The following RPA3 variants were observed in gnomAD, a reference collection of about 807,000 sequenced individuals.
The protein encoded by RPA3 is replication protein A3.
A neutral mutation model predicts 13.7 loss-of-function variants in RPA3; 24 were observed. The observed-to-expected ratio is 1.75, with a 90% CI of 1.27 to 2.46. The LOEUF (loss-of-function observed/expected upper bound fraction) is 2.46. RPA3 is among the 30% of genes most tolerant of loss of function. The pLI is 0.00. For synonymous variants in RPA3, 59 were observed against 51.2 expected (o/e 1.15, Z -0.65); for missense variants, 183 against 151.0 (o/e 1.21, Z -1.11).
intron 4 of RPA3, among the ~76,000 whole-genome samples, chr7:7,643,227 C>A (rs1186273462): frequency 6.6e-6 from 1 of 152,150 alleles, no homozygotes; most frequent in Non-Finnish European, 1.5e-5. Flanking sequence ...GCTTCCTGGG[C>A]ATGCATATTA....
intron 4 of RPA3, among the ~76,000 whole-genome samples, chr7:7,645,842 A>T (rs1785081535): frequency 6.7e-6 from 1 of 148,186 alleles, no homozygotes; most frequent in African/African-American, 2.5e-5. Context: ...ATCTATGTTC[A>T]TGAGTGAGAT....
At chr7:7,675,812 G>A (rs1486474454) in intron 4 of RPA3, among the ~76,000 whole-genome samples, 1 of 152,170 alleles carries the variant, frequency 6.6e-6, no homozygotes, top group Non-Finnish European at 1.5e-5. Context: ...AGCTGGTGCT[G>A]TACCTGGTTC....
intron 4 of RPA3, among the ~76,000 whole-genome samples, chr7:7,659,342 G>A (rs1785419654): frequency 6.6e-6 from 1 of 151,944 alleles, no homozygotes; most frequent in Admixed American, 6.6e-5. Context: ...CTTGTCTTCT[G>A]CTAGCTTTTG....
intron 2 of RPA3, among the ~76,000 whole-genome samples, chr7:7,708,902 G>C (rs1482393235): frequency 1.3e-5 from 2 of 151,746 alleles, no homozygotes; most frequent in Non-Finnish European, 2.9e-5. Context: ...TAACCAGCAA[G>C]GGGTGTGTGT....
intron 4 of RPA3, among the ~76,000 whole-genome samples, chr7:7,661,331 T>C (rs1785469468): frequency 6.6e-6 from 1 of 152,152 alleles, no homozygotes; most frequent in Admixed American, 6.5e-5. Context: ...TTTGTCAAAC[T>C]CACCATTTTT....
intron 4 of RPA3, among the ~76,000 whole-genome samples, chr7:7,655,749 G>C (rs890683428): frequency 1.3e-5 from 2 of 151,990 alleles, no homozygotes; most frequent in African/African-American, 4.8e-5. Flanking sequence ...TAGAGGACAG[G>C]CTCTTTTTTA....
intron 4 of RPA3, among the ~76,000 whole-genome samples, chr7:7,646,480 ATTT>A (rs35948027): frequency 0.22 from 24,862 of 111,104 alleles, 2,557 homozygotes; most frequent in Admixed American, 0.26. Flanking sequence ...CTTTCGCTGG[ATTT>A]TTTTTTTTTT....
At chr7:7,648,885 G>A (rs146723345) in intron 4 of RPA3, among the ~76,000 whole-genome samples, 1,531 of 151,808 alleles carry the variant, frequency 0.01, 25 homozygotes, top group African/African-American at 0.034. Flanking sequence ...AAGGCCGGGC[G>A]CGGTCGCTCA....
chr7:7,656,212 T>C (rs1785338336), intron 4 of RPA3, among the ~76,000 whole-genome samples: 2 of 152,148 alleles, frequency 1.3e-5, no homozygotes, highest in South Asian at 4.1e-4. Flanking sequence ...AGCTGCGTGG[T>C]TCTGAGGGTG....
At chr7:7,695,876 A>G (rs1780302352) in intron 2 of RPA3, among the ~76,000 whole-genome samples, 2 of 152,100 alleles carry the variant, frequency 1.3e-5, no homozygotes, top group South Asian at 2.1e-4. Flanking sequence ...TTATGCACTA[A>G]TGGTTGGATT....
chr7:7,637,816 T>G, intron 7 of RPA3, 48 bp downstream of exon 7: 1 of 1,073,338 alleles, frequency 9.3e-7, no homozygotes, highest in Admixed American at 1.9e-5. Context: ...TAAAACTGTA[T>G]GTTATGTAAT....
intron 2 of RPA3, among the ~76,000 whole-genome samples, chr7:7,714,785 T>C (rs554075401): frequency 2.0e-5 from 3 of 152,128 alleles, no homozygotes; most frequent in African/African-American, 7.2e-5. Flanking sequence ...AGTCAGGATT[T>C]AGGGTGTTGG....
chr7:7,650,731 C>G (rs1429965984), intron 4 of RPA3, among the ~76,000 whole-genome samples: 2 of 152,234 alleles, frequency 1.3e-5, no homozygotes, highest in Non-Finnish European at 2.9e-5. Context: ...ATTCTGCATC[C>G]TGAACCCAGA....
chr7:7,652,954 A>G (rs920545754), intron 4 of RPA3, among the ~76,000 whole-genome samples: 2 of 152,350 alleles, frequency 1.3e-5, no homozygotes, highest in Non-Finnish European at 2.9e-5. Context: ...TTAAAGACCC[A>G]TACTGAATAA....
intron 4 of RPA3, among the ~76,000 whole-genome samples, chr7:7,644,807 C>T (rs1232270129): frequency 6.6e-6 from 1 of 152,026 alleles, no homozygotes; most frequent in Non-Finnish European, 1.5e-5. Context: ...TTATTTTTGT[C>T]TCTTTGCTCT....
Position 7,636,832 on chromosome 7 carries a change from G to A in RPA3, c.*168C>T, listed in dbSNP as rs1325295631. The stretch of plus-strand genomic sequence containing the variant: ...TAGCAATTCTTTATAAAAGGACTTC[G>A]GTGAGAACTGTCAATATATCAGTTC... On this transcript the variant is annotated 3_prime_UTR_variant, in exon 8 of 8. Transcript: ENST00000223129. 1.2e-5 allele frequency: 7 copies of A among 578,740 alleles called. No individual in the cohort carries two copies. The highest frequency in any genetic ancestry group is 4.5e-5 in the South Asian group (2 of 44,086). 35.9% of individuals were successfully genotyped at this position (578,740 alleles called of 1,614,324 possible). A position where few individuals can be genotyped will look rare whatever the true frequency, so the allele number is the denominator to read the frequency against.
At chr7:7,648,883 G>A (rs1785156721) in intron 4 of RPA3, among the ~76,000 whole-genome samples, 1 of 151,680 alleles carries the variant, frequency 6.6e-6, no homozygotes, top group Non-Finnish European at 1.5e-5. Flanking sequence ...AAAAGGCCGG[G>A]CGCGGTCGCT....
At chr7:7,643,721 AAAAACAAACAAAC>A (rs1785029974) in intron 4 of RPA3, among the ~76,000 whole-genome samples, 1 of 5,542 alleles carries the variant, frequency 1.8e-4, no homozygotes, top group Admixed American at 1.8e-3. Flanking sequence ...CAAAAAAAAA[AAAAACAAACAAAC>A]GAAAAAAAAA....
intron 5 of RPA3, 97 bp from the exon 6 acceptor site, chr7:7,639,241 T>G (rs1329173220): frequency 3.8e-6 from 3 of 794,830 alleles, no homozygotes; most frequent in Non-Finnish European, 4.0e-6. Context: ...AAATCAACTG[T>G]TTCTTGAACA....
Sources: allele counts gnomAD v4.1 joint callset (sites outside exome capture counted in the v4.1 genomes callset), GRCh38; gene constraint gnomAD v4.1.1; transcripts MANE v1.5; gene names NCBI Gene and HGNC (gene_info 2026-07-23, HGNC 2026-07-21).